Variants in MUSK observed in about 807,000 individuals in gnomAD.
MUSK encodes the protein muscle associated receptor tyrosine kinase.
A neutral mutation model predicts 88.7 loss-of-function variants in MUSK; 55 were observed. The observed-to-expected ratio is 0.62, with a 90% CI of 0.50 to 0.78. The LOEUF is 0.78. Ranked by LOEUF, MUSK falls within the 30% of genes least tolerant of loss-of-function variation. MUSK has a pLI of 0.00. For missense variants in MUSK, 1,015 were observed against 1,074.3 expected (o/e 0.94, Z 0.77); for synonymous variants, 387 against 391.9 (o/e 0.99, Z 0.15).
chr9:110,689,916 C>CATATTTAAATATAATATATAAATAT (rs1320060348), intron 3 of MUSK, among the ~76,000 whole-genome samples: 11,559 of 78,702 alleles, frequency 0.15, 1,162 homozygotes, highest in Middle Eastern at 0.33. Context: ...CATAAAAATA[C>CATATTTAAATATAATATATAAATAT]ATATTTAAAT....
chr9:110,755,312 CCTACT>C (rs1172887365), intron 7 of MUSK, among the ~76,000 whole-genome samples: 1 of 152,124 alleles, frequency 6.6e-6, no homozygotes, highest in Admixed American at 6.5e-5. Context: ...TGGCTAAAAC[CCTACT>C]CTGGATCAAA....
At chr9:110,708,252 CTA>C (rs1236847375) in intron 5 of MUSK, among the ~76,000 whole-genome samples, 3 of 152,098 alleles carry the variant, frequency 2.0e-5, no homozygotes, top group Non-Finnish European at 4.4e-5. Flanking sequence ...CTTGTTGCAT[CTA>C]CAAAAGTGGA....
intron 1 of MUSK, among the ~76,000 whole-genome samples, chr9:110,671,563 T>C (rs1335072428): frequency 1.3e-5 from 2 of 152,208 alleles, no homozygotes; most frequent in Admixed American, 1.3e-4. Context: ...TAATTGTTCA[T>C]AGTTTTCATT....
intron 5 of MUSK, among the ~76,000 whole-genome samples, chr9:110,704,713 C>T (rs545667267): frequency 2.6e-5 from 4 of 151,712 alleles, no homozygotes; most frequent in Admixed American, 6.6e-5. Context: ...GGTCCCGGCA[C>T]GATGGCTCAC....
chr9:110,681,999 T>TA (rs553282742), intron 1 of MUSK, among the ~76,000 whole-genome samples: 47 of 151,934 alleles, frequency 3.1e-4, no homozygotes, highest in South Asian at 1.7e-3. Flanking sequence ...CCTGTTGTCT[T>TA]AAAAAAAATA....
intron 5 of MUSK, among the ~76,000 whole-genome samples, chr9:110,714,543 C>T (rs919927316): frequency 2.6e-5 from 4 of 152,150 alleles, no homozygotes; most frequent in Non-Finnish European, 4.4e-5. Flanking sequence ...CATTGCCCTG[C>T]TTCAAAGCAG....
chr9:110,699,894 T>C (rs1342878367), intron 5 of MUSK, among the ~76,000 whole-genome samples: 2 of 152,198 alleles, frequency 1.3e-5, no homozygotes, highest in African/African-American at 4.8e-5. Flanking sequence ...TTGTCATTGA[T>C]AGCCTCTAAT....
chr9:110,805,294 T>C lies in MUSK; in HGVS notation c.*4306T>C, dbSNP rs899382009. On this transcript the variant is annotated 3_prime_UTR_variant, in exon 15 of 15. Coordinates refer to ENST00000374448, the MANE Select transcript of MUSK (RefSeq NM_005592.4). ...CTTCCTGAATTATTTTATTAACATG[T>C]ACCTCTCCTAGTCAGATAAGACAGC... is the stretch of plus-strand genomic sequence containing the variant. Among the ~76,000 whole-genome samples, 31 of 152,068 alleles carry C rather than the reference T, an allele frequency of 2.0e-4. 1 individual carries two copies. The highest frequency in any genetic ancestry group is 2.0e-3 in the Admixed American group (31 of 15,284).
intron 5 of MUSK, among the ~76,000 whole-genome samples, chr9:110,733,307 T>G (rs989888875): frequency 6.6e-6 from 1 of 152,098 alleles, no homozygotes. Flanking sequence ...CCAACTTACT[T>G]AAATTAACAA....
At chr9:110,790,958 G>A (rs2077964356) in intron 14 of MUSK, among the ~76,000 whole-genome samples, 1 of 152,116 alleles carries the variant, frequency 6.6e-6, no homozygotes, top group South Asian at 2.1e-4. Context: ...AAGTCAAATT[G>A]AGGCAAATAA....
intron 3 of MUSK, among the ~76,000 whole-genome samples, chr9:110,688,925 TATATAA>T (rs1197352521): frequency 6.8e-6 from 1 of 146,392 alleles, no homozygotes; most frequent in Non-Finnish European, 1.5e-5. Context: ...TATATATTTA[TATATAA>T]ATATATGTAA....
intron 6 of MUSK, among the ~76,000 whole-genome samples, chr9:110,745,025 A>G (rs945359625): frequency 6.6e-6 from 1 of 152,204 alleles, no homozygotes; most frequent in African/African-American, 2.4e-5. Context: ...ATGAAGAAAG[A>G]AAAACAAATT....
At chr9:110,789,434 T>C (rs1028905076) in intron 14 of MUSK, among the ~76,000 whole-genome samples, 1 of 152,232 alleles carries the variant, frequency 6.6e-6, no homozygotes, top group Admixed American at 6.5e-5. Context: ...AGTTGAGGAA[T>C]ACTCAGAAGG....
chr9:110,676,841 A>G (rs575552326), intron 1 of MUSK, among the ~76,000 whole-genome samples: 2 of 152,256 alleles, frequency 1.3e-5, no homozygotes, highest in African/African-American at 4.8e-5. Flanking sequence ...GCTATTGTGA[A>G]TAGTGCTGCA....
chr9:110,762,123 A>G (rs779745012), intron 7 of MUSK, 79 bp from the exon 8 acceptor site: 7 of 1,214,480 alleles, frequency 5.8e-6, no homozygotes, highest in South Asian at 2.7e-5. Context: ...CAGCCAAAGC[A>G]TAAGATGAAA....
chr9:110,716,497 T>C (rs2076745546), intron 5 of MUSK, among the ~76,000 whole-genome samples: 1 of 150,162 alleles, frequency 6.7e-6, no homozygotes, highest in South Asian at 2.1e-4. Context: ...AAATACTCTG[T>C]AGCATTTATA....
chr9:110,804,151 T>C lies in MUSK; in HGVS notation c.*3163T>C, dbSNP rs1450233123. On this transcript the variant is annotated 3_prime_UTR_variant, in exon 15 of 15. Transcript: ENST00000374448. ...ATAATATTCTATTTTATTCATATACTGTAATTTAGCTAATCAATCTTGTAT... is the reference window on the plus strand; with the variant it reads ...ATAATATTCTATTTTATTCATATACCGTAATTTAGCTAATCAATCTTGTAT... 2.6e-5 allele frequency among the ~76,000 whole-genome samples: 4 copies of C among 152,202 alleles called. No individual in the cohort carries two copies. The highest frequency in any genetic ancestry group is 2.0e-4 in the Admixed American group (3 of 15,286).
intron 11 of MUSK, among the ~76,000 whole-genome samples, chr9:110,781,634 T>A (rs547268774): frequency 6.6e-6 from 1 of 152,262 alleles, no homozygotes; most frequent in East Asian, 1.9e-4. Context: ...ACTGGGTGGC[T>A]TATACACAGA....
At chr9:110,761,504 C>G (rs2077397957) in intron 7 of MUSK, among the ~76,000 whole-genome samples, 1 of 151,282 alleles carries the variant, frequency 6.6e-6, no homozygotes, top group African/African-American at 2.4e-5. Flanking sequence ...TTCTCCTTCT[C>G]CTTCTTTTTT....
Sources: allele counts gnomAD v4.1 joint callset (sites outside exome capture counted in the v4.1 genomes callset), GRCh38; gene constraint gnomAD v4.1.1; transcripts MANE v1.5; gene names NCBI Gene and HGNC (gene_info 2026-07-23, HGNC 2026-07-21).